The following LYPD1 variants were observed in gnomAD, a reference collection of about 807,000 sequenced individuals.
LYPD1 encodes LY6/PLAUR domain containing 1, also known as ly6/PLAUR domain-containing protein 1.
LYPD1 carries 14 observed loss-of-function variants against 14.2 expected under a neutral mutation model. That is an observed-to-expected ratio of 0.99 (90% CI 0.65 to 1.54). The LOEUF (loss-of-function observed/expected upper bound fraction) is 1.54, where lower values mean the gene tolerates loss of function less well. LYPD1 is among the 40% of genes most tolerant of loss of function. The pLI is 0.00. For synonymous variants in LYPD1, 85 were observed against 70.6 expected (o/e 1.20, Z -1.02); for missense variants, 165 against 175.7 (o/e 0.94, Z 0.34).
chr2:132,658,509 T>C (rs1682733510), intron 2 of LYPD1, among the ~76,000 whole-genome samples: 1 of 152,158 alleles, frequency 6.6e-6, no homozygotes, highest in Non-Finnish European at 1.5e-5. Flanking sequence ...GCCTTCCACC[T>C]GAGGATGATG....
Position 132,669,011 on chromosome 2 carries a change from C to T in LYPD1, c.53-474G>A, listed in dbSNP as rs576753791. ...TTATTTATTTAATTTTTAAAGTCAG[C>T]GTTTCTGTGCCAGGGCTCTGAGGAT... On this transcript the variant is annotated intron_variant, in intron 1 of 2. Transcript: ENST00000397463. This position sits in a 1 kb window ranked among gnomAD's most constrained non-coding sequence, Gnocchi z 4.3. Among the ~76,000 whole-genome samples the T allele has an allele frequency of 3.9e-5, 6 of 152,330 alleles. No individual in the cohort carries two copies. In the South Asian group the frequency reaches 6.2e-4, roughly 16 times the overall value.
rs890772006 is a variant in LYPD1 at position 132,644,500 on chromosome 2, G to GCATAC, written c.*1540_*1544dup. The stretch of plus-strand genomic sequence containing the variant: ...ATATGAGCATCATGATTATAGGTGT[G>GCATAC]CATACCTAGTATGTATATGTCCAAA... On this transcript the variant is annotated 3_prime_UTR_variant, in exon 3 of 3. Coordinates refer to ENST00000397463, the MANE Select transcript of LYPD1 (RefSeq NM_144586.7). Among the ~76,000 whole-genome samples, 2 of 152,212 alleles carry GCATAC rather than the reference G, an allele frequency of 1.3e-5. No homozygotes were observed. The highest frequency in any genetic ancestry group is 4.8e-5 in the African/African-American group (2 of 41,458).
At position 132,645,074 on chromosome 2, in the gene LYPD1, C is replaced by G. The variant is rs375272701; in HGVS notation, c.*971G>C. 51 of 1,587,658 alleles carry G rather than the reference C, an allele frequency of 3.2e-5. No homozygotes were observed. The Middle Eastern group carries it at 2.5e-3, about 79-fold the overall frequency. ...CATGCTGTGTTTTTCTTTTCTCTGT[C>G]TCTCCCTCCTGCTCGTGTCTGCCCA... On this transcript the variant is annotated 3_prime_UTR_variant, in exon 3 of 3. Transcript: ENST00000397463.
At position 132,669,578 on chromosome 2, in the gene LYPD1, G is replaced by T. The variant is rs7608736; in HGVS notation, c.52+303C>A. ...CGGGAGATGTCGCCCCCTCTCCCTCGCCCAGAACCCAGCACCGCTCGGACC... is the reference window on the plus strand; with the variant it reads ...CGGGAGATGTCGCCCCCTCTCCCTCTCCCAGAACCCAGCACCGCTCGGACC... On this transcript the variant is annotated intron_variant, in intron 1 of 2. Coordinates refer to ENST00000397463, the MANE Select transcript of LYPD1 (RefSeq NM_144586.7). This position sits in a 1 kb window ranked among gnomAD's most constrained non-coding sequence, Gnocchi z 4.3. 1.8e-4 allele frequency among the ~76,000 whole-genome samples: 28 copies of T among 152,036 alleles called. No individual in the cohort carries two copies. The highest frequency in any genetic ancestry group is 6.8e-4 in the African/African-American group (28 of 41,474).
At chr2:132,662,176 A>G (rs987686244) in intron 2 of LYPD1, among the ~76,000 whole-genome samples, 1 of 152,224 alleles carries the variant, frequency 6.6e-6, no homozygotes, top group African/African-American at 2.4e-5. Context: ...TTGTACTATA[A>G]TATCTGGGCC....
intron 2 of LYPD1, among the ~76,000 whole-genome samples, chr2:132,666,355 TGGA>T (rs1683272277): frequency 6.6e-6 from 1 of 152,344 alleles, no homozygotes; most frequent in South Asian, 2.1e-4. Context: ...CTTGTTTCTG[TGGA>T]GTTTAGGCTT....
chr2:132,650,496 C>T (rs747610804), intron 2 of LYPD1, among the ~76,000 whole-genome samples: 23 of 152,070 alleles, frequency 1.5e-4, no homozygotes, highest in East Asian at 1.9e-4. Context: ...ACATACAAAA[C>T]GACTATACAC....
At position 132,644,418 on chromosome 2, in the gene LYPD1, T is replaced by C. The variant is rs1474704970; in HGVS notation, c.*1627A>G. ...ATATTTGCCATCTCTGAATAATTCT[T>C]TTTCCCCACATGAGGGATCTAAAAG... is the stretch of plus-strand genomic sequence containing the variant. On this transcript the variant is annotated 3_prime_UTR_variant, in exon 3 of 3. Transcript: ENST00000397463. 6.6e-6 allele frequency among the ~76,000 whole-genome samples: 1 copy of C among 152,202 alleles called. No individual in the cohort carries two copies. Among genetic ancestry groups the C allele is most frequent in the Admixed American group, 6.5e-5 (1 of 15,288 alleles).
Position 132,644,286 on chromosome 2 carries a change from TTGAG to T in LYPD1, c.*1755_*1758del, listed in dbSNP as rs1347725684. On this transcript the variant is annotated 3_prime_UTR_variant, in exon 3 of 3. Transcript: ENST00000397463. ...AAACATTTGATCTACAGAAGGGCCT[TTGAG>T]TGGTCTCTTCTCTAGGGCCTGATTG... Among the ~76,000 whole-genome samples, 2 of 152,236 alleles carry T rather than the reference TTGAG, an allele frequency of 1.3e-5. No individual in the cohort carries two copies. Among genetic ancestry groups the T allele is most frequent in the Admixed American group, 6.5e-5 (1 of 15,284 alleles).
Position 132,654,399 on chromosome 2 carries a change from C to CAAAAAA in LYPD1, c.191-8125_191-8120dup. The stretch of plus-strand genomic sequence containing the variant: ...CTCGTGACAGAGTGAGACCCTGTCT[C>CAAAAAA]AAAAAAAAAAAAAAAAATTGGTACG... On this transcript the variant is annotated intron_variant, in intron 2 of 2. Transcript: ENST00000397463. Among the ~76,000 whole-genome samples the CAAAAAA allele has an allele frequency of 2.2e-5, 3 of 138,112 alleles. No homozygotes were observed. The South Asian group carries it at 7.4e-4, about 34-fold the overall frequency. The allele number at this position is 138,112 out of a possible 152,430, so 90.6% of individuals were successfully genotyped here. A position where few individuals can be genotyped will look rare whatever the true frequency, so the allele number is the denominator to read the frequency against.
chr2:132,645,298 C>A lies in LYPD1; in HGVS notation c.*747G>T, dbSNP rs575186714. The stretch of plus-strand genomic sequence containing the variant: ...GTACACGGTGTCCTCGCAGCAGTTT[C>A]GGCGGGTGTTCGTGCAGGTGCTGTG... On this transcript the variant is annotated 3_prime_UTR_variant, in exon 3 of 3. Coordinates refer to ENST00000397463, the MANE Select transcript of LYPD1 (RefSeq NM_144586.7). 1 of 1,614,088 alleles carries A rather than the reference C, an allele frequency of 6.2e-7. No homozygotes were observed. The highest frequency in any genetic ancestry group is 8.5e-7 in the Non-Finnish European group (1 of 1,180,026).
intron 2 of LYPD1, among the ~76,000 whole-genome samples, chr2:132,649,931 G>A (rs1243017779): frequency 6.6e-6 from 1 of 151,906 alleles, no homozygotes; most frequent in East Asian, 1.9e-4. Context: ...ATAACACCCA[G>A]AAGCCATTAC....
chr2:132,659,810 G>A (rs1161384253), intron 2 of LYPD1, among the ~76,000 whole-genome samples: 1 of 152,228 alleles, frequency 6.6e-6, no homozygotes, highest in Non-Finnish European at 1.5e-5. Flanking sequence ...TCACTGGGTG[G>A]CAGACTAGTC....
At chr2:132,667,189 G>A (rs1305376747) in intron 2 of LYPD1, among the ~76,000 whole-genome samples, 1 of 152,050 alleles carries the variant, frequency 6.6e-6, no homozygotes, top group Non-Finnish European at 1.5e-5. Flanking sequence ...AATGTTTACC[G>A]CATTTCTCGA....
chr2:132,668,359 C>G (rs776953299), intron 2 of LYPD1, 41 bp downstream of exon 2: 12 of 1,574,214 alleles, frequency 7.6e-6, no homozygotes, highest in Non-Finnish European at 1.0e-5. Context: ...CACCCCACAG[C>G]CCAGGCTTAA....
At chr2:132,648,088 G>A (rs1186067705) in intron 2 of LYPD1, among the ~76,000 whole-genome samples, 1 of 152,184 alleles carries the variant, frequency 6.6e-6, no homozygotes, top group East Asian at 1.9e-4. Context: ...GGGAGGCACT[G>A]TTTGATTTCT....
chr2:132,655,750 G>C (rs1053000432), intron 2 of LYPD1, among the ~76,000 whole-genome samples: 1 of 151,988 alleles, frequency 6.6e-6, no homozygotes, highest in African/African-American at 2.4e-5. Flanking sequence ...TCCTGACCTC[G>C]TGATCCGCCC....
intron 2 of LYPD1, among the ~76,000 whole-genome samples, chr2:132,649,513 G>T (rs1428266287): frequency 1.3e-5 from 2 of 152,202 alleles, no homozygotes; most frequent in Admixed American, 6.5e-5. Context: ...AACGGGAATG[G>T]TTTTGGGGAA....
At position 132,645,378 on chromosome 2, in the gene LYPD1, G is replaced by A. The variant is rs1320508328; in HGVS notation, c.*667C>T. ...ACGAGAAGCGCCTGCGCGTACATGC[G>A]CACTCCACCACCGACAGCGCCCGCT... On this transcript the variant is annotated 3_prime_UTR_variant, in exon 3 of 3. Transcript: ENST00000397463. 6.2e-7 allele frequency: 1 copy of A among 1,613,750 alleles called. No homozygotes were observed. Among genetic ancestry groups the A allele is most frequent in the Non-Finnish European group, 8.5e-7 (1 of 1,179,992 alleles).
Sources: gnomAD v4.1 joint callset for allele counts (sites outside exome capture counted in the v4.1 genomes callset) on GRCh38, gnomAD v4.1.1 for gene constraint, Gnocchi (gnomAD v3.1) non-coding constraint, MANE v1.5 for transcripts, NCBI Gene and HGNC (gene_info 2026-07-23, HGNC 2026-07-21) for gene names.